Variants in CEP170 observed in about 807,000 individuals in gnomAD.
CEP170 encodes centrosomal protein 170, also known as centrosomal protein of 170 kDa.
CEP170 carries 21 observed loss-of-function variants against 151.9 expected under a neutral mutation model. That is an observed-to-expected ratio of 0.14 (90% CI 0.10 to 0.20). The LOEUF (loss-of-function observed/expected upper bound fraction) is 0.20. Among genes scored for constraint, CEP170 ranks in the 10% least tolerant of loss-of-function variants. CEP170 has a pLI of 1.00. For synonymous variants in CEP170, 356 were observed against 648.8 expected, an observed-to-expected ratio of 0.55 and a Z score of 6.86; for missense variants, 964 against 1,892.9, an observed-to-expected ratio of 0.51 and a Z score of 9.11.
intron 10 of CEP170, among the ~76,000 whole-genome samples, chr1:243,179,157 C>G (rs1040533461): frequency 6.6e-6 from 1 of 152,198 alleles, no homozygotes; most frequent in African/African-American, 2.4e-5. Context: ...CCCATCACTT[C>G]CTACATCTTT....
chr1:243,232,256 T>G (rs2063831417), intron 1 of CEP170, among the ~76,000 whole-genome samples: 1 of 152,126 alleles, frequency 6.6e-6, no homozygotes, highest in Admixed American at 6.6e-5. Flanking sequence ...TGAGCCCCCA[T>G]GCCTGGCCTT....
At position 243,165,565 on chromosome 1, in the gene CEP170, C is replaced by G; in HGVS notation, c.2395G>C (p.Gly799Arg). ...EKNSGHSTSK[G>R]DRVAQSESKR... Reference sequence around the variant, plus strand: ...CTCTCACTTTGTGCCACTCTGTCTCCTTTGCTTGTAGAATGTCCTGAATTT... The same window carrying G: ...CTCTCACTTTGTGCCACTCTGTCTCGTTTGCTTGTAGAATGTCCTGAATTT... The change falls in exon 13 of 20, where the codon GGA (glycine) becomes CGA (arginine). Residue 799 changes from glycine (G) to arginine (R), a missense_variant. By Grantham distance (125) the Gly-to-Arg change is moderately radical (BLOSUM62 -2). Transcript: ENST00000366542. The G allele has an allele frequency of 6.2e-7, 1 of 1,613,856 alleles. No homozygotes were observed. Among genetic ancestry groups the G allele is most frequent in the Non-Finnish European group, 8.5e-7 (1 of 1,179,866 alleles).
chr1:243,199,269 T>A, intron 6 of CEP170, 75 bp from the exon 7 acceptor site: 1 of 1,477,912 alleles, frequency 6.8e-7, no homozygotes, highest in South Asian at 1.3e-5. Context: ...ATGCTAGAAC[T>A]GCCTGCTTGA....
In CEP170 at chr1:243,126,071, G is replaced by C. The variant is rs2053669910; in HGVS notation, c.*378C>G. 2 of 459,738 alleles carry C rather than the reference G, an allele frequency of 4.4e-6. No homozygotes were observed. The highest frequency in any genetic ancestry group is 4.7e-5 in the Admixed American group (2 of 42,608). 28.5% of individuals were successfully genotyped at this position (459,738 alleles called of 1,614,324 possible). ...AGAAGTCCATTTCAGGGAGCAGCTT[G>C]GCACAGGAGACTTAGGGGTTCAGAA... On this transcript the variant is annotated 3_prime_UTR_variant, in exon 20 of 20. Transcript: ENST00000366542.
chr1:243,128,821 C>T (rs2054026936), intron 18 of CEP170: 1 of 152,980 alleles, frequency 6.5e-6, no homozygotes, highest in Non-Finnish European at 1.5e-5. Flanking sequence ...CCCTCCTTGG[C>T]CTCACAAAGT....
chr1:243,248,584 A>G (rs2065638013), intron 1 of CEP170, among the ~76,000 whole-genome samples: 1 of 152,204 alleles, frequency 6.6e-6, no homozygotes, highest in Non-Finnish European at 1.5e-5. Context: ...TAACATATCC[A>G]AAACATTTGA....
At chr1:243,221,699 G>T (rs1173044937) in intron 3 of CEP170, 25 bp downstream of exon 3, 1 of 1,581,476 alleles carries the variant, frequency 6.3e-7, no homozygotes, top group Non-Finnish European at 8.6e-7. Context: ...GTTCAAACAA[G>T]ACAAAAAATA....
At chr1:243,151,954 A>T (rs1427100943) in intron 14 of CEP170, among the ~76,000 whole-genome samples, 2 of 152,126 alleles carry the variant, frequency 1.3e-5, no homozygotes, top group Non-Finnish European at 2.9e-5. Context: ...GGCCCTTAAG[A>T]ATTATGCTAA....
At chr1:243,194,813 A>G (rs2060534361) in intron 7 of CEP170, among the ~76,000 whole-genome samples, 1 of 151,866 alleles carries the variant, frequency 6.6e-6, no homozygotes, top group African/African-American at 2.4e-5. Context: ...ACTTGTTTAG[A>G]CTAATATTAT....
At position 243,124,885 on chromosome 1, in the gene CEP170, T is replaced by C. The variant is rs2053585361; in HGVS notation, c.*1564A>G. 6.6e-6 allele frequency: 1 copy of C among 152,570 alleles called. No homozygotes were observed. Among genetic ancestry groups the C allele is most frequent in the African/African-American group, 2.4e-5 (1 of 41,428 alleles). The allele number at this position is 152,570 out of a possible 1,614,324, so 9.5% of individuals were successfully genotyped here. On this transcript the variant is annotated 3_prime_UTR_variant, in exon 20 of 20. Coordinates refer to ENST00000366542, the MANE Select transcript of CEP170 (RefSeq NM_014812.3). ...AGGAGAATAGTTCATTTACCTTTTT[T>C]TTTTTGTATTTAAAGAAAAATAGGA...
chr1:243,205,902 A>G (rs957591174), intron 4 of CEP170, among the ~76,000 whole-genome samples: 2 of 151,940 alleles, frequency 1.3e-5, no homozygotes, highest in African/African-American at 4.8e-5. Context: ...ACAAACCCCA[A>G]GGGAGGAACA....
intron 2 of CEP170, 28 bp downstream of exon 2, chr1:243,225,148 C>T: frequency 2.2e-6 from 3 of 1,392,066 alleles, no homozygotes; most frequent in Non-Finnish European, 2.9e-6. Context: ...TTTGAATAAA[C>T]ACATATAGAG....
At chr1:243,202,325 G>A (rs1306555253) in intron 4 of CEP170, among the ~76,000 whole-genome samples, 1 of 152,068 alleles carries the variant, frequency 6.6e-6, no homozygotes, top group African/African-American at 2.4e-5. Flanking sequence ...GGCGGGGTGA[G>A]GGATGAAAAA....
At chr1:243,175,908 T>C (rs1444538832) in intron 10 of CEP170, among the ~76,000 whole-genome samples, 1 of 152,182 alleles carries the variant, frequency 6.6e-6, no homozygotes, top group African/African-American at 2.4e-5. Context: ...GCCATTCTCC[T>C]GCCTCAGCCT....
At chr1:243,208,914 A>C (rs1169933228) in intron 4 of CEP170, among the ~76,000 whole-genome samples, 2 of 151,718 alleles carry the variant, frequency 1.3e-5, no homozygotes, top group East Asian at 1.9e-4. Flanking sequence ...ACATTTAATA[A>C]ATAATTAGGA....
chr1:243,196,258 G>T (rs900273690), intron 7 of CEP170, among the ~76,000 whole-genome samples: 1 of 151,964 alleles, frequency 6.6e-6, no homozygotes, highest in Admixed American at 6.6e-5. Flanking sequence ...TTATGGTTAA[G>T]AGCGTGGACT....
chr1:243,186,834 T>A (rs2148725084), intron 8 of CEP170, among the ~76,000 whole-genome samples: 1 of 152,266 alleles, frequency 6.6e-6, no homozygotes, highest in Admixed American at 6.5e-5. Context: ...AAAAGGGTAA[T>A]GTCACTGAAA....
chr1:243,228,403 C>T (rs2063471722), intron 1 of CEP170, among the ~76,000 whole-genome samples: 1 of 152,146 alleles, frequency 6.6e-6, no homozygotes, highest in South Asian at 2.1e-4. Flanking sequence ...TGTTGTTGGT[C>T]TTCCATCTGT....
intron 13 of CEP170, among the ~76,000 whole-genome samples, chr1:243,161,045 G>A (rs1449351173): frequency 6.7e-6 from 1 of 149,890 alleles, no homozygotes; most frequent in Non-Finnish European, 1.5e-5. Flanking sequence ...GAAGGAGACT[G>A]GGCGCAGTGG....
Sources: gnomAD v4.1 joint callset for allele counts (sites outside exome capture counted in the v4.1 genomes callset) on GRCh38, gnomAD v4.1.1 for gene constraint, MANE v1.5 for transcripts, NCBI Gene and HGNC (gene_info 2026-07-23, HGNC 2026-07-21) for gene names.